Variants in UNC5A observed in about 807,000 individuals in gnomAD.
UNC5A encodes the protein unc-5 netrin receptor A.
UNC5A carries 20 observed loss-of-function variants against 87.4 expected under a neutral mutation model. The observed-to-expected ratio is 0.23, with a 90% CI of 0.16 to 0.33. The LOEUF (loss-of-function observed/expected upper bound fraction) is 0.33. Among genes scored for constraint, UNC5A ranks in the 10% least tolerant of loss-of-function variants. The pLI is 1.00. For missense variants in UNC5A, 844 were observed against 1,133.4 expected, an observed-to-expected ratio of 0.74 and a Z score of 3.67; for synonymous variants, 438 against 482.3, an observed-to-expected ratio of 0.91 and a Z score of 1.20.
intron 1 of UNC5A, among the ~76,000 whole-genome samples, chr5:176,817,751 A>T (rs1442623497): frequency 6.6e-6 from 1 of 151,882 alleles, no homozygotes; most frequent in Middle Eastern, 3.2e-3. Flanking sequence ...CGGGTGCCCG[A>T]GCCCACGGCA....
chr5:176,844,440 C>T lies in UNC5A; in HGVS notation c.71-18184C>T, dbSNP rs1289074855. Among the ~76,000 whole-genome samples the T allele has an allele frequency of 2.6e-5, 4 of 152,222 alleles. No individual in the cohort carries two copies. The Middle Eastern group carries it at 0.01, about 388-fold the overall frequency. ...GCCAGGGGAAGTTTATGTCCACCCACGGTGTCCCAGCTGAGCGAGAAGGGA... is the reference window on the plus strand; with the variant it reads ...GCCAGGGGAAGTTTATGTCCACCCATGGTGTCCCAGCTGAGCGAGAAGGGA... On this transcript the variant is annotated intron_variant, in intron 1 of 14. Coordinates refer to ENST00000329542, the MANE Select transcript of UNC5A (RefSeq NM_133369.3). The surrounding 1 kb of genome is among the most constrained non-coding windows in gnomAD (Gnocchi z 4.2).
At chr5:176,876,441 G>A (rs553063256) in intron 8 of UNC5A, among the ~76,000 whole-genome samples, 71 of 152,292 alleles carry the variant, frequency 4.7e-4, no homozygotes, top group African/African-American at 1.7e-3. Flanking sequence ...CCTCATGTAA[G>A]GGCTCCCTGT....
chr5:176,811,851 C>A (rs1016887328), intron 1 of UNC5A, among the ~76,000 whole-genome samples: 23 of 152,118 alleles, frequency 1.5e-4, no homozygotes, highest in African/African-American at 5.3e-4. Context: ...CCTGGCCAGG[C>A]CGCTGCTTAT....
At position 176,842,492 on chromosome 5, in the gene UNC5A, G is replaced by GATATATATATATATAT. The variant is rs35268512; in HGVS notation, c.71-20129_71-20114dup. Among the ~76,000 whole-genome samples, 300 of 145,638 alleles carry GATATATATATATATAT rather than the reference G, an allele frequency of 2.1e-3. 2 individuals are homozygous for GATATATATATATATAT. Among genetic ancestry groups the GATATATATATATATAT allele is most frequent in the African/African-American group, 7.4e-3 (281 of 37,734 alleles). On this transcript the variant is annotated intron_variant, in intron 1 of 14. Transcript: ENST00000329542. Reference sequence around the variant, plus strand: ...GTCAATCAACAAATGGAGAAACTGTGATATATATATATATATATGATGGAA... The same window carrying GATATATATATATATAT: ...GTCAATCAACAAATGGAGAAACTGTGATATATATATATATATATATATATATATATATATGATGGAA...
intron 1 of UNC5A, among the ~76,000 whole-genome samples, chr5:176,840,358 G>T (rs1757245992): frequency 6.6e-6 from 1 of 152,158 alleles, no homozygotes; most frequent in Admixed American, 6.5e-5. Context: ...GACAGGCTGG[G>T]CTGTGAGTCG....
chr5:176,817,731 C>G (rs932334861), intron 1 of UNC5A, among the ~76,000 whole-genome samples: 5 of 152,060 alleles, frequency 3.3e-5, no homozygotes, highest in Non-Finnish European at 5.9e-5. Flanking sequence ...ACGTGAGCTG[C>G]CGTGGAGCGC....
chr5:176,873,216 T>C (rs1758174622), intron 6 of UNC5A, among the ~76,000 whole-genome samples: 1 of 152,180 alleles, frequency 6.6e-6, no homozygotes. Flanking sequence ...CAGCTTCCCA[T>C]CTGCCTGGTC....
At chr5:176,854,463 C>T (rs566054215) in intron 1 of UNC5A, among the ~76,000 whole-genome samples, 80 of 152,332 alleles carry the variant, frequency 5.3e-4, no homozygotes, top group African/African-American at 1.8e-3. Context: ...CACTCCCCTG[C>T]GTGTCTGCAA....
chr5:176,878,947 G>A (rs991870880), intron 13 of UNC5A, among the ~76,000 whole-genome samples: 1 of 152,216 alleles, frequency 6.6e-6, no homozygotes, highest in African/African-American at 2.4e-5. Flanking sequence ...TTTGGCTGCG[G>A]CATTAAGGGG....
chr5:176,836,942 G>A (rs1757159575), intron 1 of UNC5A, among the ~76,000 whole-genome samples: 1 of 152,198 alleles, frequency 6.6e-6, no homozygotes, highest in Admixed American at 6.5e-5. Flanking sequence ...CTTCCTCTCT[G>A]ATGTCAGAGG....
At chr5:176,855,296 C>G (rs372231617) in intron 1 of UNC5A, among the ~76,000 whole-genome samples, 1 of 152,238 alleles carries the variant, frequency 6.6e-6, no homozygotes, top group African/African-American at 2.4e-5. Context: ...TCCATGCCCA[C>G]GGCTCCAAGC....
rs557777038 is a variant in UNC5A at position 176,827,738 on chromosome 5, A to T, written c.70+16918A>T. Among the ~76,000 whole-genome samples, 3 of 152,322 alleles carry T rather than the reference A, an allele frequency of 2.0e-5. No homozygotes were observed. In the South Asian group the frequency reaches 6.2e-4, roughly 32 times the overall value. On this transcript the variant is annotated intron_variant, in intron 1 of 14. Transcript: ENST00000329542. The stretch of plus-strand genomic sequence containing the variant: ...AGGAACTGCCAAACTATTTTCCTTA[A>T]CAACTGCACCATTTTACATTCTCAC...
intron 6 of UNC5A, among the ~76,000 whole-genome samples, chr5:176,872,159 T>C (rs1758132550): frequency 1.0e-5 from 1 of 96,330 alleles, no homozygotes; most frequent in South Asian, 4.3e-4. Context: ...CACCACAGCT[T>C]CCCATCTGCC....
Position 176,838,465 on chromosome 5 carries a change from G to A in UNC5A, c.71-24159G>A, listed in dbSNP as rs867575694. 2.6e-5 allele frequency among the ~76,000 whole-genome samples: 4 copies of A among 152,216 alleles called. No homozygotes were observed. Among genetic ancestry groups the A allele is most frequent in the Non-Finnish European group, 2.9e-5 (2 of 68,040 alleles). ...CTCAGTTAACAATCTTTTGGTTGCA[G>A]TATGAAAGAAAACTCGACTCACACA... On this transcript the variant is annotated intron_variant, in intron 1 of 14. Transcript: ENST00000329542. This position sits in a 1 kb window ranked among gnomAD's most constrained non-coding sequence, Gnocchi z 4.2.
intron 1 of UNC5A, among the ~76,000 whole-genome samples, chr5:176,862,293 C>T (rs995784559): frequency 3.9e-5 from 6 of 152,312 alleles, no homozygotes; most frequent in Admixed American, 1.3e-4. Context: ...CTGGACCTCC[C>T]GGGCAGGGGC....
Position 176,853,416 on chromosome 5 carries a change from G to C in UNC5A, c.71-9208G>C, listed in dbSNP as rs538324249. ...CTGAGATGGGAGCGGTGCCGCCCCC[G>C]CCCTGCCCCTTTGTTCTTTGTGGTT... On this transcript the variant is annotated intron_variant, in intron 1 of 14. Transcript: ENST00000329542. Among the ~76,000 whole-genome samples, 6 of 152,142 alleles carry C rather than the reference G, an allele frequency of 3.9e-5. No individual in the cohort carries two copies. The South Asian group carries it at 1.2e-3, about 32-fold the overall frequency.
chr5:176,822,444 G>A (rs1413907489), intron 1 of UNC5A, among the ~76,000 whole-genome samples: 6 of 152,248 alleles, frequency 3.9e-5, no homozygotes, highest in Admixed American at 3.9e-4. Context: ...ATCTTGGGAA[G>A]GTGTTCATTC....
At chr5:176,845,093 G>A (rs1186906664) in intron 1 of UNC5A, among the ~76,000 whole-genome samples, 10 of 152,086 alleles carry the variant, frequency 6.6e-5, no homozygotes, top group Non-Finnish European at 1.0e-4. Flanking sequence ...TTCTGCTCCC[G>A]CCCTGCCTCC....
chr5:176,862,879 CG>C (rs752964890), intron 2 of UNC5A, 34 bp downstream of exon 2: 1 of 1,608,276 alleles, frequency 6.2e-7, no homozygotes, highest in Admixed American at 1.7e-5. Flanking sequence ...AGGGCCAATC[CG>C]GGGGAGGCGA....
Sources: gnomAD v4.1 joint callset for allele counts (sites outside exome capture counted in the v4.1 genomes callset) on GRCh38, gnomAD v4.1.1 for gene constraint, Gnocchi (gnomAD v3.1) non-coding constraint, MANE v1.5 for transcripts, NCBI Gene and HGNC (gene_info 2026-07-23, HGNC 2026-07-21) for gene names.